Variants in FLI1 observed in about 807,000 individuals in gnomAD.
FLI1 encodes the protein Fli-1 proto-oncogene, ETS transcription factor.
In FLI1, 13 loss-of-function variants were observed where a neutral mutation model predicts 53.1. The observed-to-expected ratio is 0.24, with a 90% CI of 0.16 to 0.39. The LOEUF is 0.39. Ranked by LOEUF, FLI1 falls within the 10% of genes least tolerant of loss-of-function variation. The pLI, the probability that FLI1 is intolerant of heterozygous loss-of-function variation, is 1.00. For missense variants in FLI1, 424 were observed against 600.5 expected, an observed-to-expected ratio of 0.71 and a Z score of 3.07; for synonymous variants, 244 against 236.7, an observed-to-expected ratio of 1.03 and a Z score of -0.28.
intron 1 of FLI1, among the ~76,000 whole-genome samples, chr11:128,739,075 G>C (rs557750606): frequency 1.3e-5 from 2 of 152,288 alleles, no homozygotes; most frequent in East Asian, 3.9e-4. Context: ...CACCAAACTC[G>C]ATGTTTATCA....
In FLI1 at chr11:128,810,668, A is replaced by T. The variant is rs1292307381; in HGVS notation, c.1039A>T (p.Ile347Phe). Residue 347 changes from isoleucine (I) to phenylalanine (F), a missense_variant, in exon 9 of 9, where the codon ATT (isoleucine) becomes TTT (phenylalanine). Ile to Phe is a conservative substitution (Grantham distance 21, BLOSUM62 0). This residue lies in a region of FLI1 where 71 missense variants were observed against 174.2 expected (regional missense o/e 0.41). Coordinates refer to ENST00000527786, the MANE Select transcript of FLI1 (RefSeq NM_002017.5). This position sits in a 1 kb window ranked among gnomAD's most constrained non-coding sequence, Gnocchi z 6.6. The part of the protein sequence containing the change: ...RALRYYYDKN[I>F]MTKVHGKRYA... The stretch of plus-strand genomic sequence containing the variant: ...CCTCCGTTATTACTATGATAAAAAC[A>T]TTATGACCAAAGTGCACGGCAAAAG... 2 of 1,614,116 alleles carry T rather than the reference A, an allele frequency of 1.2e-6. No homozygotes were observed. The highest frequency in any genetic ancestry group is 2.2e-5 in the East Asian group (1 of 44,888).
At chr11:128,694,952 C>A (rs1457306382) in intron 1 of FLI1, among the ~76,000 whole-genome samples, 3 of 152,174 alleles carry the variant, frequency 2.0e-5, no homozygotes, top group Non-Finnish European at 4.4e-5. Flanking sequence ...CTCGCCGCCT[C>A]TCCGGCGGGG....
intron 1 of FLI1, among the ~76,000 whole-genome samples, chr11:128,753,453 G>T (rs912441792): frequency 1.3e-5 from 2 of 152,204 alleles, no homozygotes; most frequent in Non-Finnish European, 2.9e-5. Context: ...AAGGAATGTA[G>T]TCCCTCTGAG....
At chr11:128,799,052 A>ACTT (rs1555125699) in intron 5 of FLI1, among the ~76,000 whole-genome samples, 1 of 140,444 alleles carries the variant, frequency 7.1e-6, no homozygotes, top group Non-Finnish European at 1.5e-5. Context: ...TATTATTATT[A>ACTT]TTTTGCTTTG....
At chr11:128,791,947 C>T (rs958303263) in intron 5 of FLI1, among the ~76,000 whole-genome samples, 3 of 152,336 alleles carry the variant, frequency 2.0e-5, no homozygotes, top group Non-Finnish European at 4.4e-5. Flanking sequence ...AAAGGTGACG[C>T]TGCAGGGAGA....
At chr11:128,700,327 A>G (rs913158221) in intron 1 of FLI1, among the ~76,000 whole-genome samples, 1 of 152,214 alleles carries the variant, frequency 6.6e-6, no homozygotes, top group Non-Finnish European at 1.5e-5. Flanking sequence ...CAGGGGACAG[A>G]TCTGGGTTTC....
At chr11:128,762,223 G>C (rs1941148873) in intron 2 of FLI1, among the ~76,000 whole-genome samples, 1 of 152,140 alleles carries the variant, frequency 6.6e-6, no homozygotes, top group Admixed American at 6.5e-5. Context: ...GAGTATTATT[G>C]ATAATGACAG....
intron 1 of FLI1, among the ~76,000 whole-genome samples, chr11:128,695,309 C>T (rs1467599989): frequency 6.6e-6 from 1 of 152,248 alleles, no homozygotes; most frequent in African/African-American, 2.4e-5. Context: ...GAGGGACACC[C>T]CCTAACGTGA....
In FLI1 at chr11:128,734,765, G is replaced by A. The variant is rs116039090; in HGVS notation, c.19-23350G>A. On this transcript the variant is annotated intron_variant, in intron 1 of 8. Transcript: ENST00000527786. The stretch of plus-strand genomic sequence containing the variant: ...CATGTCCAGTGCATGCCATCAATCA[G>A]CAAATGTCCCTGGACCCCTAATGAG... Among the ~76,000 whole-genome samples, 492 of 152,294 alleles carry A rather than the reference G, an allele frequency of 3.2e-3. 4 individuals carry two copies. Among genetic ancestry groups the A allele is most frequent in the African/African-American group, 0.011 (437 of 41,560 alleles).
At chr11:128,729,696 A>G (rs1939617641) in intron 1 of FLI1, among the ~76,000 whole-genome samples, 1 of 152,106 alleles carries the variant, frequency 6.6e-6, no homozygotes, top group African/African-American at 2.4e-5. Flanking sequence ...CCCCTTTTTA[A>G]AAGGATGGCA....
chr11:128,796,069 G>A lies in FLI1; in HGVS notation c.656-9297G>A, dbSNP rs1038344554. Among the ~76,000 whole-genome samples the A allele has an allele frequency of 2.0e-5, 3 of 152,100 alleles. No individual in the cohort carries two copies. The East Asian group carries it at 5.8e-4, about 30-fold the overall frequency. On this transcript the variant is annotated intron_variant, in intron 5 of 8. Coordinates refer to ENST00000527786, the MANE Select transcript of FLI1 (RefSeq NM_002017.5). The stretch of plus-strand genomic sequence containing the variant: ...CACACAGCTCATAACTGACAGAGAT[G>A]AGAGGCAAAGCAAGGAGTTCTGACC...
At chr11:128,779,965 T>C (rs1941857390) in intron 4 of FLI1, among the ~76,000 whole-genome samples, 1 of 152,236 alleles carries the variant, frequency 6.6e-6, no homozygotes, top group African/African-American at 2.4e-5. Flanking sequence ...CGTAGCACAA[T>C]GGCAAGTATT....
chr11:128,689,431 C>A (rs1194033928), upstream of FLI1, among the ~76,000 whole-genome samples: 1 of 152,216 alleles, frequency 6.6e-6, no homozygotes, highest in East Asian at 1.9e-4. Context: ...CTTGCTCTAA[C>A]TCCTTCACTT....
intron 3 of FLI1, among the ~76,000 whole-genome samples, chr11:128,769,773 G>A (rs962091536): frequency 5.3e-5 from 8 of 152,336 alleles, no homozygotes; most frequent in Admixed American, 2.6e-4. Context: ...CAGGCACCAC[G>A]TAAATTGCTT....
intron 1 of FLI1, among the ~76,000 whole-genome samples, chr11:128,727,494 A>C (rs1469854281): frequency 6.6e-6 from 1 of 152,232 alleles, no homozygotes; most frequent in Non-Finnish European, 1.5e-5. Flanking sequence ...AGATGCAGGC[A>C]GCCAGGACCT....
At chr11:128,743,594 C>T (rs1028578793) in intron 1 of FLI1, among the ~76,000 whole-genome samples, 2 of 152,036 alleles carry the variant, frequency 1.3e-5, no homozygotes, top group Non-Finnish European at 2.9e-5. Flanking sequence ...GAGATTGAGC[C>T]TCCCTGCCCT....
chr11:128,720,951 C>T (rs1403306161), intron 1 of FLI1, among the ~76,000 whole-genome samples: 1 of 152,154 alleles, frequency 6.6e-6, no homozygotes, highest in Non-Finnish European at 1.5e-5. Flanking sequence ...CAACAGAAGC[C>T]GCCTCTGGCC....
chr11:128,756,382 C>G (rs1940860565), intron 1 of FLI1, among the ~76,000 whole-genome samples: 1 of 152,160 alleles, frequency 6.6e-6, no homozygotes, highest in South Asian at 2.1e-4. Flanking sequence ...ATTCCCTCTT[C>G]TTATAAGAAC....
intron 1 of FLI1, among the ~76,000 whole-genome samples, chr11:128,728,558 G>T (rs1193257728): frequency 1.3e-5 from 2 of 152,236 alleles, no homozygotes; most frequent in Non-Finnish European, 2.9e-5. Flanking sequence ...CCTGAGGCAG[G>T]TTCTATGCCT....
Sources: gnomAD v4.1 joint callset for allele counts (sites outside exome capture counted in the v4.1 genomes callset) on GRCh38, gnomAD v4.1.1 for gene constraint, gnomAD v4.1.1 regional missense constraint, Gnocchi (gnomAD v3.1) non-coding constraint, MANE v1.5 for transcripts, NCBI Gene and HGNC (gene_info 2026-07-23, HGNC 2026-07-21) for gene names.